Variants in DLGAP2 observed in about 807,000 individuals in gnomAD.
DLGAP2 encodes DLG associated protein 2, also known as disks large-associated protein 2.
DLGAP2 carries 26 observed loss-of-function variants against 100.3 expected under a neutral mutation model. The ratio of observed to expected loss-of-function variants is 0.26; its 90% CI spans 0.19 to 0.36. The LOEUF (loss-of-function observed/expected upper bound fraction) is 0.36, where lower values mean the gene tolerates loss of function less well. Ranked by LOEUF, DLGAP2 falls within the 10% of genes least tolerant of loss-of-function variation. The pLI, the probability that DLGAP2 is intolerant of heterozygous loss-of-function variation, is 1.00. For synonymous variants in DLGAP2, 886 were observed against 630.1 expected, an observed-to-expected ratio of 1.41 and a Z score of -6.08; for missense variants, 1,858 against 1,453.2, an observed-to-expected ratio of 1.28 and a Z score of -4.53.
chr8:1,149,208 C>G (rs914806032), intron 2 of DLGAP2, among the ~76,000 whole-genome samples: 1 of 152,038 alleles, frequency 6.6e-6, no homozygotes, highest in African/African-American at 2.4e-5. Flanking sequence ...TGCAGTGGCG[C>G]AATGTCGGCT....
At chr8:900,880 G>T (rs1563086566) in intron 1 of DLGAP2, among the ~76,000 whole-genome samples, 1 of 152,292 alleles carries the variant, frequency 6.6e-6, no homozygotes, top group South Asian at 2.1e-4. Context: ...CCGTAGGTCC[G>T]ACAGCTGAAT....
chr8:930,060 T>C (rs1192949711), intron 2 of DLGAP2, among the ~76,000 whole-genome samples: 1 of 152,148 alleles, frequency 6.6e-6, no homozygotes, highest in African/African-American at 2.4e-5. Flanking sequence ...TGCCTGTCAG[T>C]CTGAGACAGG....
intron 6 of DLGAP2, among the ~76,000 whole-genome samples, chr8:1,572,525 A>AG (rs1471883110): frequency 3.1e-4 from 25 of 80,278 alleles, no homozygotes; most frequent in Admixed American, 6.0e-4. Flanking sequence ...GAGAGGAGAG[A>AG]GGGTGAACTG....
intron 2 of DLGAP2, among the ~76,000 whole-genome samples, chr8:1,114,940 T>G (rs1314528331): frequency 6.6e-6 from 1 of 152,256 alleles, no homozygotes; most frequent in Non-Finnish European, 1.5e-5. Flanking sequence ...TCTGCCTTAA[T>G]TTCATTATTT....
At chr8:1,620,713 G>C (rs1797305530) in intron 6 of DLGAP2, among the ~76,000 whole-genome samples, 1 of 152,070 alleles carries the variant, frequency 6.6e-6, no homozygotes, top group African/African-American at 2.4e-5. Context: ...CAAGTCTGCA[G>C]GAGCCTCTCG....
At chr8:1,060,269 T>G (rs1035377574) in intron 2 of DLGAP2, among the ~76,000 whole-genome samples, 1 of 137,560 alleles carries the variant, frequency 7.3e-6, no homozygotes, top group South Asian at 2.1e-4. Flanking sequence ...GAAACCAAGG[T>G]GGTGAGTGCT....
chr8:1,503,385 G>C (rs1009887726), intron 4 of DLGAP2, among the ~76,000 whole-genome samples: 3 of 151,610 alleles, frequency 2.0e-5, no homozygotes, highest in African/African-American at 4.9e-5. Flanking sequence ...AGGATTTGTT[G>C]TTTTGTGACT....
intron 2 of DLGAP2, among the ~76,000 whole-genome samples, chr8:1,049,785 CAT>C (rs771489419): frequency 2.4e-4 from 36 of 152,200 alleles, no homozygotes; most frequent in South Asian, 4.2e-4. Flanking sequence ...CACATGCACA[CAT>C]GAGTGCAGGC....
intron 3 of DLGAP2, among the ~76,000 whole-genome samples, chr8:1,479,549 C>G (rs542115611): frequency 6.6e-6 from 1 of 152,262 alleles, no homozygotes; most frequent in East Asian, 1.9e-4. Context: ...GGACCTAATT[C>G]ATAAGCAGAG....
At chr8:1,631,938 T>C (rs1482128925) in intron 7 of DLGAP2, among the ~76,000 whole-genome samples, 1 of 152,204 alleles carries the variant, frequency 6.6e-6, no homozygotes, top group African/African-American at 2.4e-5. Flanking sequence ...AGAACTAATC[T>C]GGTGTTTAAA....
At chr8:758,138 GT>G (rs1287351871) in intron 1 of DLGAP2, among the ~76,000 whole-genome samples, 1 of 152,262 alleles carries the variant, frequency 6.6e-6, no homozygotes, top group African/African-American at 2.4e-5. Context: ...AAAAGCAGGA[GT>G]GGCCATCCCG....
chr8:1,392,109 G>A (rs1344204720), intron 3 of DLGAP2, among the ~76,000 whole-genome samples: 2 of 152,210 alleles, frequency 1.3e-5, no homozygotes, highest in Admixed American at 1.3e-4. Context: ...AGAACTGTTT[G>A]AATTGCCTTA....
intron 2 of DLGAP2, among the ~76,000 whole-genome samples, chr8:1,230,219 G>A (rs996139663): frequency 5.3e-5 from 8 of 152,132 alleles, no homozygotes; most frequent in Admixed American, 3.3e-4. Context: ...AGAAACCAGT[G>A]AAGTTCAAAC....
chr8:1,236,884 T>C (rs773953562), intron 2 of DLGAP2, among the ~76,000 whole-genome samples: 2,724 of 107,366 alleles, frequency 0.025, 453 homozygotes, highest in African/African-American at 0.1. Context: ...CGTGTCTAGT[T>C]CTCTAACATG....
chr8:1,689,732 G>A (rs1329760667), intron 12 of DLGAP2, among the ~76,000 whole-genome samples: 1 of 152,168 alleles, frequency 6.6e-6, no homozygotes, highest in Non-Finnish European at 1.5e-5. Flanking sequence ...ACCTTGAAGG[G>A]CCCACGCTGA....
intron 1 of DLGAP2, among the ~76,000 whole-genome samples, chr8:767,602 G>A (rs1821249055): frequency 6.6e-6 from 1 of 152,144 alleles, no homozygotes; most frequent in African/African-American, 2.4e-5. Context: ...TGATCCACGT[G>A]CCTTGGCCTC....
intron 2 of DLGAP2, among the ~76,000 whole-genome samples, chr8:1,136,554 G>GTGTA (rs1348649751): frequency 6.6e-6 from 1 of 152,228 alleles, no homozygotes; most frequent in African/African-American, 2.4e-5. Context: ...CAAGTACGGT[G>GTGTA]CCTGGTGTGT....
At chr8:1,584,919 C>G (rs1429103338) in intron 6 of DLGAP2, among the ~76,000 whole-genome samples, 2 of 152,178 alleles carry the variant, frequency 1.3e-5, no homozygotes, top group African/African-American at 2.4e-5. Context: ...TGCATACCAA[C>G]TCTAGTCTTA....
At chr8:1,590,411 G>A (rs896277827) in intron 6 of DLGAP2, among the ~76,000 whole-genome samples, 4 of 152,122 alleles carry the variant, frequency 2.6e-5, no homozygotes, top group Non-Finnish European at 5.9e-5. Context: ...CTCCGTGTTG[G>A]CTTTTCTCTT....
Sources: allele counts gnomAD v4.1 joint callset (sites outside exome capture counted in the v4.1 genomes callset), GRCh38; gene constraint gnomAD v4.1.1; transcripts MANE v1.5; gene names NCBI Gene and HGNC (gene_info 2026-07-23, HGNC 2026-07-21).